Variants in THSD7B observed in about 807,000 individuals in gnomAD.
The protein encoded by THSD7B is thrombospondin type 1 domain containing 7B.
Under a neutral mutation model 213.6 loss-of-function variants are expected in THSD7B, and 138 were observed. The observed-to-expected ratio is 0.65, with a 90% CI of 0.56 to 0.74. The LOEUF is 0.74. THSD7B is among the 30% of genes least tolerant of loss of function. THSD7B has a pLI of 0.00. For missense variants in THSD7B, 1,931 were observed against 1,991.5 expected (o/e 0.97, Z 0.58); for synonymous variants, 742 against 687.0 (o/e 1.08, Z -1.25).
At chr2:137,498,663 G>A (rs1679630610) in intron 15 of THSD7B, among the ~76,000 whole-genome samples, 1 of 152,014 alleles carries the variant, frequency 6.6e-6, no homozygotes, top group African/African-American at 2.4e-5. Context: ...TGGTTGTGTT[G>A]TAGTCACCCA....
chr2:137,112,358 G>A (rs1461497794), intron 4 of THSD7B, among the ~76,000 whole-genome samples: 3 of 86,616 alleles, frequency 3.5e-5, no homozygotes, highest in East Asian at 3.0e-4. Context: ...TTTTCTCTGA[G>A]GTGGTAAAAA....
At position 137,481,058 on chromosome 2, in the gene THSD7B, A is replaced by T. The variant is rs147128159; in HGVS notation, c.3138+30035A>T. 4.1e-3 allele frequency among the ~76,000 whole-genome samples: 617 copies of T among 152,328 alleles called. 7 individuals are homozygous for T. Among genetic ancestry groups the T allele is most frequent in the African/African-American group, 0.014 (585 of 41,574 alleles). On this transcript the variant is annotated intron_variant, in intron 15 of 27. Coordinates refer to ENST00000409968, the MANE Select transcript of THSD7B (RefSeq NM_001316349.2). ...ACAGCATTTGTCCCCTCTGGAGAAA[A>T]TAACTTTTAAGCTGCCATCTTGGAA... is the stretch of plus-strand genomic sequence containing the variant.
intron 1 of THSD7B, among the ~76,000 whole-genome samples, chr2:136,858,911 T>C (rs13416754): frequency 6.6e-6 from 1 of 152,168 alleles, no homozygotes; most frequent in African/African-American, 2.4e-5. Context: ...TGAACCATAA[T>C]GGGAGTGACA....
chr2:136,956,908 G>C (rs1299935256), intron 2 of THSD7B, among the ~76,000 whole-genome samples: 1 of 152,064 alleles, frequency 6.6e-6, no homozygotes, highest in Non-Finnish European at 1.5e-5. Context: ...TTGAACTTCT[G>C]ATCTCGTGAT....
At chr2:137,369,359 T>C (rs1685494500) in intron 12 of THSD7B, among the ~76,000 whole-genome samples, 1 of 152,196 alleles carries the variant, frequency 6.6e-6, no homozygotes, top group African/African-American at 2.4e-5. Flanking sequence ...TTATTTGCTT[T>C]AGCAGGCAGC....
intron 15 of THSD7B, among the ~76,000 whole-genome samples, chr2:137,553,424 G>A (rs1055324705): frequency 3.3e-5 from 5 of 152,154 alleles, no homozygotes; most frequent in Non-Finnish European, 5.9e-5. Context: ...TAGAGAAGCA[G>A]TATCAGAAAG....
At chr2:137,078,655 G>A (rs1687681472) in intron 3 of THSD7B, among the ~76,000 whole-genome samples, 1 of 151,716 alleles carries the variant, frequency 6.6e-6, no homozygotes, top group African/African-American at 2.4e-5. Context: ...CTTTATGTAT[G>A]TATATATTTT....
intron 3 of THSD7B, among the ~76,000 whole-genome samples, chr2:137,080,419 G>A (rs1413590724): frequency 7.2e-6 from 1 of 139,456 alleles, no homozygotes; most frequent in Non-Finnish European, 1.5e-5. Context: ...TCACCATGTT[G>A]GCCAGGCTGG....
intron 7 of THSD7B, among the ~76,000 whole-genome samples, chr2:137,206,885 GAAAT>G (rs1421304873): frequency 6.6e-6 from 1 of 151,962 alleles, no homozygotes; most frequent in Admixed American, 6.6e-5. Flanking sequence ...TATATTGAAA[GAAAT>G]AAAAGCAATT....
At chr2:137,097,241 A>T (rs764399170) in intron 4 of THSD7B, among the ~76,000 whole-genome samples, 16 of 152,112 alleles carry the variant, frequency 1.1e-4, no homozygotes, top group Non-Finnish European at 2.2e-4. Flanking sequence ...TTTTTTAATA[A>T]CAATTACAGT....
intron 7 of THSD7B, among the ~76,000 whole-genome samples, chr2:137,192,486 AC>A (rs1680676777): frequency 6.6e-6 from 1 of 152,166 alleles, no homozygotes; most frequent in Non-Finnish European, 1.5e-5. Context: ...GCATTGGTAT[AC>A]TTGTATACTT....
intron 12 of THSD7B, among the ~76,000 whole-genome samples, chr2:137,380,266 A>G (rs1022408741): frequency 2.6e-5 from 4 of 151,616 alleles, no homozygotes; most frequent in African/African-American, 4.8e-5. Context: ...AGAAAAAAAA[A>G]AAAATAGCCA....
intron 14 of THSD7B, among the ~76,000 whole-genome samples, chr2:137,441,459 T>C (rs1198186278): frequency 2.6e-5 from 4 of 152,184 alleles, no homozygotes; most frequent in African/African-American, 7.2e-5. Flanking sequence ...CCTGCCAAGA[T>C]TGCCTTCCAC....
At chr2:136,949,881 G>A (rs1307393121) in intron 2 of THSD7B, among the ~76,000 whole-genome samples, 1 of 152,156 alleles carries the variant, frequency 6.6e-6, no homozygotes. Context: ...AAAAACACGT[G>A]CACACATATG....
intron 5 of THSD7B, among the ~76,000 whole-genome samples, chr2:137,142,426 C>G (rs959563206): frequency 6.6e-6 from 1 of 151,966 alleles, no homozygotes; most frequent in South Asian, 2.1e-4. Flanking sequence ...ATTACTATGG[C>G]AAGCAAATTT....
At chr2:136,891,824 G>T (rs1683865009) in intron 2 of THSD7B, among the ~76,000 whole-genome samples, 1 of 152,162 alleles carries the variant, frequency 6.6e-6, no homozygotes, top group South Asian at 2.1e-4. Context: ...CCAAAATAGT[G>T]ATTTAAAACA....
At position 137,602,251 on chromosome 2, in the gene THSD7B, G is replaced by GT. The variant is rs989367821; in HGVS notation, c.3424-13917dup. On this transcript the variant is annotated intron_variant, in intron 17 of 27. Transcript: ENST00000409968. ...AGGAAAGACATTTATTTTCTTTCTC[G>GT]TTTTTTTGTTTTTGTTTTTGTTTTT... 4.6e-5 allele frequency among the ~76,000 whole-genome samples: 7 copies of GT among 152,002 alleles called. No individual in the cohort carries two copies. In the South Asian group the frequency reaches 6.3e-4, roughly 14 times the overall value.
chr2:137,405,198 C>CAA (rs34776165), intron 12 of THSD7B, among the ~76,000 whole-genome samples: 56,743 of 139,742 alleles, frequency 0.41, 12,414 homozygotes, highest in East Asian at 0.56. Context: ...TCTAAACAAG[C>CAA]AAAAAAAAAA....
At position 137,231,179 on chromosome 2, in the gene THSD7B, A is replaced by G; in HGVS notation, c.1859A>G (p.Lys620Arg). The change falls in exon 8 of 28, where the codon AAA (lysine) becomes AGA (arginine). Residue 620 changes from lysine (K) to arginine (R), a missense_variant. By Grantham distance (26) the Lys-to-Arg change is conservative. Coordinates refer to ENST00000409968, the MANE Select transcript of THSD7B (RefSeq NM_001316349.2). ...WSSCSQSCSNKNSDGKQTRSR... is the reference protein window; with the variant it reads ...WSSCSQSCSNRNSDGKQTRSR... ...TCCTGTTCCCAGTCCTGTTCAAATAAAAACTCAGATGGGAAACAGACCAGG... is the reference window on the plus strand; with the variant it reads ...TCCTGTTCCCAGTCCTGTTCAAATAGAAACTCAGATGGGAAACAGACCAGG... 1 of 1,613,468 alleles carries G rather than the reference A, an allele frequency of 6.2e-7. No homozygotes were observed. The highest frequency in any genetic ancestry group is 2.2e-5 in the East Asian group (1 of 44,878).
Sources: gnomAD v4.1 joint callset for allele counts (sites outside exome capture counted in the v4.1 genomes callset) on GRCh38, gnomAD v4.1.1 for gene constraint, MANE v1.5 for transcripts, NCBI Gene and HGNC (gene_info 2026-07-23, HGNC 2026-07-21) for gene names.